ADAMTS3: variants seen among roughly 807,000 people sequenced by gnomAD.
ADAMTS3 encodes A disintegrin and metalloproteinase with thrombospondin motifs 3.
A neutral mutation model predicts 129.0 loss-of-function variants in ADAMTS3; 73 were observed. That is an observed-to-expected ratio of 0.57 (90% CI 0.47 to 0.69). The LOEUF is 0.69. Among genes scored for constraint, ADAMTS3 ranks in the 30% least tolerant of loss-of-function variants. The pLI is 0.00. For missense variants in ADAMTS3, 1,457 were observed against 1,514.5 expected, an observed-to-expected ratio of 0.96 and a Z score of 0.63; for synonymous variants, 477 against 510.8, an observed-to-expected ratio of 0.93 and a Z score of 0.89.
chr4:72,319,258 C>G, intron 9 of ADAMTS3, 74 bp downstream of exon 9: 1 of 1,551,176 alleles, frequency 6.4e-7, no homozygotes, highest in Non-Finnish European at 8.8e-7. Flanking sequence ...TTGCTATGAT[C>G]AAGTCCTAAG....
At chr4:72,449,271 C>T (rs1195388050) in intron 3 of ADAMTS3, among the ~76,000 whole-genome samples, 1 of 151,658 alleles carries the variant, frequency 6.6e-6, no homozygotes, top group African/African-American at 2.4e-5. Context: ...CATCTTCCCA[C>T]TTGACATCTC....
At chr4:72,457,610 A>T (rs1027340732) in intron 3 of ADAMTS3, among the ~76,000 whole-genome samples, 1 of 151,674 alleles carries the variant, frequency 6.6e-6, no homozygotes, top group African/African-American at 2.4e-5. Context: ...AGTTTGTTAA[A>T]AACTTTGCCT....
intron 3 of ADAMTS3, among the ~76,000 whole-genome samples, chr4:72,485,126 T>C (rs1234733690): frequency 6.6e-6 from 1 of 152,198 alleles, no homozygotes; most frequent in East Asian, 1.9e-4. Context: ...GCTTCAAGCA[T>C]GTGGGTTTGT....
At chr4:72,439,996 C>G (rs1240519276) in intron 3 of ADAMTS3, among the ~76,000 whole-genome samples, 3 of 151,634 alleles carry the variant, frequency 2.0e-5, no homozygotes, top group African/African-American at 7.3e-5. Flanking sequence ...AATGCCAATG[C>G]AAAATTTCAA....
At chr4:72,471,030 C>T (rs1355871738) in intron 3 of ADAMTS3, among the ~76,000 whole-genome samples, 1 of 151,996 alleles carries the variant, frequency 6.6e-6, no homozygotes, top group Non-Finnish European at 1.5e-5. Flanking sequence ...TCGAATGAGC[C>T]GTTTTTTCAT....
chr4:72,500,084 C>T (rs1212776263), intron 3 of ADAMTS3, among the ~76,000 whole-genome samples: 1 of 152,094 alleles, frequency 6.6e-6, no homozygotes, highest in African/African-American at 2.4e-5. Context: ...CTGTAATGAA[C>T]ATACAAGTGC....
chr4:72,357,857 A>G (rs1338608028), intron 4 of ADAMTS3, among the ~76,000 whole-genome samples: 1 of 152,022 alleles, frequency 6.6e-6, no homozygotes, highest in Non-Finnish European at 1.5e-5. Context: ...ATATAAATCT[A>G]TTCTATCATA....
rs944044023 is a variant in ADAMTS3 at position 72,557,289 on chromosome 4, G to A, written c.98-8405C>T. On this transcript the variant is annotated intron_variant, in intron 2 of 21. Coordinates refer to ENST00000286657, the MANE Select transcript of ADAMTS3 (RefSeq NM_014243.3). The stretch of plus-strand genomic sequence containing the variant: ...GCTCCAGGAAAGATGCAAGCAGGGC[G>A]AAGAATGGACATTAAGGAGGACGCC... Among the ~76,000 whole-genome samples the A allele has an allele frequency of 1.4e-4, 22 of 151,822 alleles. No homozygotes were observed. In the East Asian group the frequency reaches 3.3e-3, roughly 23 times the overall value.
intron 2 of ADAMTS3, among the ~76,000 whole-genome samples, chr4:72,550,114 A>AGAGGAGGAG (rs71589605): frequency 1.0e-5 from 1 of 96,618 alleles, no homozygotes. Flanking sequence ...AAGAAGAAGA[A>AGAGGAGGAG]GAAGGCATAG....
rs575606182 is a variant in ADAMTS3, at chr4:72,427,847, T to C, written c.505-12876A>G. ...CCTCTCCTAGTATGTTACATGCCTA[T>C]TGTAGATGTGCTGCAACACACACAA... On this transcript the variant is annotated intron_variant, in intron 3 of 21. Transcript: ENST00000286657. Among the ~76,000 whole-genome samples the C allele has an allele frequency of 5.9e-5, 9 of 152,192 alleles. No individual in the cohort carries two copies. The East Asian group carries it at 1.6e-3, about 26-fold the overall frequency.
chr4:72,568,750 A>T lies in ADAMTS3; in HGVS notation c.13T>A (p.Ser5Thr). Residue 5 changes from serine to threonine, a missense_variant, in exon 1 of 22, where the codon TCA (serine) becomes ACA (threonine). Transcript: ENST00000286657. ...AGAGCGGCTGCTATCAACCAAAGTG[A>T]CAGGAGAACCATCACGAGTCGAGTT... is the stretch of plus-strand genomic sequence containing the variant. The part of the protein sequence containing the change: MVLL[S>T]LWLIAAALVE... 6.2e-7 allele frequency: 1 copy of T among 1,613,956 alleles called. No individual in the cohort carries two copies. Among genetic ancestry groups the T allele is most frequent in the Non-Finnish European group, 8.5e-7 (1 of 1,179,970 alleles).
At chr4:72,562,605 T>C (rs1721928444) in intron 2 of ADAMTS3, among the ~76,000 whole-genome samples, 1 of 152,174 alleles carries the variant, frequency 6.6e-6, no homozygotes, top group African/African-American at 2.4e-5. Flanking sequence ...ACAGTGTGTG[T>C]ACTGAAAGAA....
At chr4:72,494,252 T>C (rs1719819138) in intron 3 of ADAMTS3, among the ~76,000 whole-genome samples, 1 of 152,150 alleles carries the variant, frequency 6.6e-6, no homozygotes, top group Non-Finnish European at 1.5e-5. Context: ...TCTCATAAGC[T>C]TTCTTCATTC....
intron 8 of ADAMTS3, 126 bp downstream of exon 8, chr4:72,319,732 C>A (rs1719502759): frequency 5.7e-6 from 5 of 874,426 alleles, no homozygotes; most frequent in Non-Finnish European, 7.2e-6. Context: ...GTTTGCAGCT[C>A]TTCACACTTG....
At chr4:72,395,055 G>A (rs1442771937) in intron 4 of ADAMTS3, among the ~76,000 whole-genome samples, 2 of 151,898 alleles carry the variant, frequency 1.3e-5, no homozygotes, top group African/African-American at 2.4e-5. Flanking sequence ...CTCTGGAGTA[G>A]CTAGGATTAC....
intron 3 of ADAMTS3, among the ~76,000 whole-genome samples, chr4:72,437,454 G>T (rs1717973810): frequency 6.6e-6 from 1 of 151,758 alleles, no homozygotes; most frequent in Non-Finnish European, 1.5e-5. Flanking sequence ...TTATCAGATA[G>T]CTAGTATTTT....
chr4:72,380,868 G>T (rs1244200677), intron 4 of ADAMTS3, among the ~76,000 whole-genome samples: 1 of 152,026 alleles, frequency 6.6e-6, no homozygotes, highest in Non-Finnish European at 1.5e-5. Flanking sequence ...GGATCCACTG[G>T]TTCAGAGCAT....
chr4:72,501,545 A>G (rs1399732118), intron 3 of ADAMTS3, among the ~76,000 whole-genome samples: 2 of 152,110 alleles, frequency 1.3e-5, no homozygotes, highest in Admixed American at 1.3e-4. Context: ...TTTTAGCTCT[A>G]GAATCATATC....
At chr4:72,373,741 A>T (rs1578624703) in intron 4 of ADAMTS3, among the ~76,000 whole-genome samples, 1 of 151,946 alleles carries the variant, frequency 6.6e-6, no homozygotes, top group Admixed American at 6.6e-5. Context: ...TCTACAAAAA[A>T]TACAAAAAAT....
Sources: gnomAD v4.1 joint callset for allele counts (sites outside exome capture counted in the v4.1 genomes callset) on GRCh38, gnomAD v4.1.1 for gene constraint, MANE v1.5 for transcripts, NCBI Gene and HGNC (gene_info 2026-07-23, HGNC 2026-07-21) for gene names.